LRRC37A2: variants seen among roughly 807,000 people sequenced by gnomAD.
The protein encoded by LRRC37A2 is leucine-rich repeat-containing protein 37A2.
LRRC37A2 carries 9 observed loss-of-function variants against 68.8 expected under a neutral mutation model. The observed-to-expected ratio is 0.13, with a 90% CI of 0.08 to 0.23. LRRC37A2 has a LOEUF of 0.23. Among genes scored for constraint, LRRC37A2 ranks in the 10% least tolerant of loss-of-function variants. LRRC37A2 has a pLI of 1.00. For synonymous variants in LRRC37A2, 63 were observed against 367.6 expected (o/e 0.17, Z 9.48); for missense variants, 168 against 950.4 (o/e 0.18, Z 10.82).
the LRRC37A2 span, among the ~76,000 whole-genome samples, chr17:46,846,140 A>G: frequency 3.3e-5 from 5 of 152,162 alleles, no homozygotes; most frequent in South Asian, 6.2e-4. Context: ...TTACTTACCT[A>G]TAACTACTAG....
the LRRC37A2 span, chr17:47,021,883 T>C: frequency 9.2e-6 from 14 of 1,526,038 alleles, no homozygotes; most frequent in Middle Eastern, 2.3e-4. Context: ...CTTACATTGA[T>C]GGAAATGTAT....
At chr17:46,756,923 C>T in the LRRC37A2 span, 5 of 152,562 alleles carry the variant, frequency 3.3e-5, no homozygotes, top group African/African-American at 1.2e-4. Context: ...GGTGATTTGT[C>T]TTACAACTGA....
chr17:46,888,902 C>A, the LRRC37A2 span, among the ~76,000 whole-genome samples: 1 of 152,152 alleles, frequency 6.6e-6, no homozygotes, highest in African/African-American at 2.4e-5. Flanking sequence ...GTAATCACTA[C>A]CCCCATTTTA....
chr17:46,407,707 G>A, the LRRC37A2 span, among the ~76,000 whole-genome samples: 1 of 112,632 alleles, frequency 8.9e-6, no homozygotes, highest in Non-Finnish European at 2.1e-5. Context: ...CCTGCTGCAA[G>A]TTCAGTGCCA....
chr17:46,545,471 TTGG>T (rs2056155578), intron 8 of LRRC37A2, among the ~76,000 whole-genome samples: 1 of 113,840 alleles, frequency 8.8e-6, no homozygotes, highest in Admixed American at 9.1e-5. Flanking sequence ...AATTTTCCCC[TTGG>T]TAATTAATAA....
At chr17:46,821,827 C>A in the LRRC37A2 span, among the ~76,000 whole-genome samples, 1 of 152,198 alleles carries the variant, frequency 6.6e-6, no homozygotes, top group Non-Finnish European at 1.5e-5. Flanking sequence ...TCAGAGTCTG[C>A]CGCTGTGTAT....
chr17:46,743,717 G>A, the LRRC37A2 span, among the ~76,000 whole-genome samples: 4 of 152,162 alleles, frequency 2.6e-5, no homozygotes, highest in Non-Finnish European at 5.9e-5. Flanking sequence ...CTGTCCTTGG[G>A]GCAGCAGCTC....
At chr17:46,791,360 T>C in the LRRC37A2 span, among the ~76,000 whole-genome samples, 22,324 of 152,014 alleles carry the variant, frequency 0.15, 2,047 homozygotes, top group African/African-American at 0.26. Context: ...AGGACCACCA[T>C]ACCTGGCTAA....
At chr17:46,938,795 C>G in the LRRC37A2 span, 1 of 1,613,094 alleles carries the variant, frequency 6.2e-7, no homozygotes, top group Non-Finnish European at 8.5e-7. Context: ...AGCATTCCCA[C>G]AGCCTGCAAG....
At chr17:46,929,815 C>T in the LRRC37A2 span, 303 of 519,866 alleles carry the variant, frequency 5.8e-4, 2 homozygotes, top group African/African-American at 5.4e-3. Flanking sequence ...CCTGACATGG[C>T]CCTATGGGAA....
At chr17:46,913,993 G>C in the LRRC37A2 span, among the ~76,000 whole-genome samples, 1 of 151,978 alleles carries the variant, frequency 6.6e-6, no homozygotes, top group African/African-American at 2.4e-5. Flanking sequence ...TCCTGACTTT[G>C]GGTGATCCGC....
the LRRC37A2 span, among the ~76,000 whole-genome samples, chr17:46,953,653 C>T: frequency 1.3e-5 from 2 of 152,328 alleles, no homozygotes; most frequent in Middle Eastern, 3.4e-3. Context: ...AACTAGTTTA[C>T]AGTCCCGCCA....
the LRRC37A2 span, among the ~76,000 whole-genome samples, chr17:46,882,204 G>A: frequency 6.6e-6 from 1 of 152,158 alleles, no homozygotes; most frequent in African/African-American, 2.4e-5. Context: ...CCTGGCCCAG[G>A]ATCCACTCAA....
At chr17:46,941,432 G>A in the LRRC37A2 span, 10 of 984,196 alleles carry the variant, frequency 1.0e-5, 1 homozygote, top group South Asian at 4.7e-5. Context: ...ATGTTTCTAG[G>A]CCAGAGATTC....
chr17:46,675,909 CAT>C, the LRRC37A2 span, among the ~76,000 whole-genome samples: 1 of 129,798 alleles, frequency 7.7e-6, no homozygotes, highest in African/African-American at 3.2e-5. Context: ...CTGGGTAAAA[CAT>C]AACTGAAATC....
At chr17:46,858,560 G>C in the LRRC37A2 span, among the ~76,000 whole-genome samples, 3 of 151,952 alleles carry the variant, frequency 2.0e-5, no homozygotes, top group African/African-American at 7.3e-5. Flanking sequence ...TTTTGAGTAA[G>C]CCTGGAGCCT....
chr17:46,971,728 C>A, the LRRC37A2 span, among the ~76,000 whole-genome samples: 5 of 152,180 alleles, frequency 3.3e-5, no homozygotes, highest in Non-Finnish European at 7.3e-5. Flanking sequence ...GGAAGTCCTG[C>A]ACCCCGACCT....
the LRRC37A2 span, among the ~76,000 whole-genome samples, chr17:46,823,184 TATATTATATATATTTATATATA>T: frequency 6.8e-3 from 886 of 130,564 alleles, 22 homozygotes; most frequent in African/African-American, 0.026. Flanking sequence ...TTATATATAA[TATATTATATATATTTATATATA>T]ATATATTATA....
At chr17:46,690,624 AATATAT>A in the LRRC37A2 span, among the ~76,000 whole-genome samples, 46 of 110,954 alleles carry the variant, frequency 4.1e-4, 1 homozygote, top group African/African-American at 1.3e-3. Flanking sequence ...AAAAAAAAAA[AATATAT>A]ATATATATAT....
Sources: gnomAD v4.1 joint callset for allele counts (sites outside exome capture counted in the v4.1 genomes callset) on GRCh38, gnomAD v4.1.1 for gene constraint, MANE v1.5 for transcripts, NCBI Gene and HGNC (gene_info 2026-07-23, HGNC 2026-07-21) for gene names.